Variants in SNX24 observed in about 807,000 individuals in gnomAD.
SNX24 encodes sorting nexin 24, also known as sorting nexin-24.
Under a neutral mutation model 28.7 loss-of-function variants are expected in SNX24, and 22 were observed. That is an observed-to-expected ratio of 0.77 (90% CI 0.55 to 1.10). SNX24 has a LOEUF of 1.10. Ranked by LOEUF, SNX24 falls within the 50% of genes least tolerant of loss-of-function variation. The pLI is 0.00. For missense variants in SNX24, 221 were observed against 201.1 expected (o/e 1.10, Z -0.60); for synonymous variants, 69 against 71.5 (o/e 0.96, Z 0.18).
At chr5:122,943,321 T>C (rs1419821701) in intron 2 of SNX24, among the ~76,000 whole-genome samples, 1 of 152,188 alleles carries the variant, frequency 6.6e-6, no homozygotes, top group Non-Finnish European at 1.5e-5. Context: ...GTTGTACTCC[T>C]TCCTTCTCTT....
At chr5:123,004,175 C>T (rs1762344546) in intron 6 of SNX24, among the ~76,000 whole-genome samples, 1 of 152,196 alleles carries the variant, frequency 6.6e-6, no homozygotes, top group Non-Finnish European at 1.5e-5. Context: ...GACATTTAAG[C>T]ATTATCCTCT....
chr5:122,959,214 G>T (rs1452111292), intron 3 of SNX24, among the ~76,000 whole-genome samples: 1 of 150,152 alleles, frequency 6.7e-6, no homozygotes, highest in Non-Finnish European at 1.5e-5. Flanking sequence ...GTTTAGTCTT[G>T]GTATATTTTG....
At chr5:122,906,456 T>C (rs1482474641) in intron 1 of SNX24, among the ~76,000 whole-genome samples, 3 of 152,238 alleles carry the variant, frequency 2.0e-5, no homozygotes, top group Non-Finnish European at 4.4e-5. Flanking sequence ...GAACTTGACA[T>C]GCATAATCTC....
intron 1 of SNX24, among the ~76,000 whole-genome samples, chr5:122,880,242 G>A (rs1339571167): frequency 1.3e-5 from 2 of 152,176 alleles, no homozygotes; most frequent in Non-Finnish European, 1.5e-5. Flanking sequence ...TTGAATCTGA[G>A]ATACTGGTGT....
intron 1 of SNX24, among the ~76,000 whole-genome samples, chr5:122,889,657 A>G (rs888479442): frequency 4.1e-5 from 6 of 146,828 alleles, no homozygotes; most frequent in Admixed American, 2.1e-4. Context: ...ATATGTATAT[A>G]TATGTGTATA....
Position 122,845,630 on chromosome 5 carries a change from G to C in SNX24, c.-4G>C. On this transcript the variant is annotated 5_prime_UTR_variant, in exon 1 of 7. Coordinates refer to ENST00000261369, the MANE Select transcript of SNX24 (RefSeq NM_014035.4). ...TCGCCCTCAGCCGGCTGGCCGGCGC[G>C]GCCATGGAGGTCTACATCCCGTCCT... is the stretch of plus-strand genomic sequence containing the variant. The C allele has an allele frequency of 7.1e-7, 1 of 1,402,468 alleles. No individual in the cohort carries two copies. Among genetic ancestry groups the C allele is most frequent in the Non-Finnish European group, 9.3e-7 (1 of 1,069,664 alleles). The allele number at this position is 1,402,468 out of a possible 1,614,324, so 86.9% of individuals were successfully genotyped here. A position where few individuals can be genotyped will look rare whatever the true frequency, so the allele number is the denominator to read the frequency against.
intron 1 of SNX24, among the ~76,000 whole-genome samples, chr5:122,909,129 T>G (rs1410135992): frequency 1.3e-5 from 2 of 152,192 alleles, no homozygotes; most frequent in Admixed American, 1.3e-4. Flanking sequence ...ATTGTTACAT[T>G]AACAAGGGAC....
At chr5:123,026,359 G>A (rs979603706) in intron 5 of SNX24, among the ~76,000 whole-genome samples, 3 of 152,120 alleles carry the variant, frequency 2.0e-5, no homozygotes, top group Non-Finnish European at 4.4e-5. Context: ...GTTTCCTGAG[G>A]CTCAAAGCTC....
chr5:123,021,706 C>T (rs930600275), intron 5 of SNX24, among the ~76,000 whole-genome samples: 21 of 152,118 alleles, frequency 1.4e-4, no homozygotes, highest in East Asian at 1.9e-4. Flanking sequence ...ATAACCCTTC[C>T]GTGTACCATG....
At chr5:122,909,676 T>C (rs1757797361) in intron 1 of SNX24, among the ~76,000 whole-genome samples, 1 of 152,292 alleles carries the variant, frequency 6.6e-6, no homozygotes, top group South Asian at 2.1e-4. Context: ...CTTGGCACTG[T>C]CTATGTTTCT....
chr5:122,896,470 C>G (rs960406706), intron 1 of SNX24, among the ~76,000 whole-genome samples: 1 of 152,192 alleles, frequency 6.6e-6, no homozygotes, highest in Admixed American at 6.5e-5. Context: ...TGCTGTCCTA[C>G]CATGTTGCCT....
At chr5:123,013,124 A>G (rs1762621060), downstream of SNX24, among the ~76,000 whole-genome samples, 2 of 152,256 alleles carry the variant, frequency 1.3e-5, no homozygotes, top group African/African-American at 2.4e-5. Flanking sequence ...AGGAAGGACA[A>G]GTTTGGGTAG....
At chr5:123,007,097 C>T (rs1187952260) in intron 6 of SNX24, among the ~76,000 whole-genome samples, 1 of 152,158 alleles carries the variant, frequency 6.6e-6, no homozygotes, top group Non-Finnish European at 1.5e-5. Context: ...CCTGGCCTCC[C>T]TTCCTGTCTC....
chr5:122,886,321 A>T (rs962660963), intron 1 of SNX24, among the ~76,000 whole-genome samples: 1 of 152,096 alleles, frequency 6.6e-6, no homozygotes, highest in Non-Finnish European at 1.5e-5. Context: ...TTACTGGTAC[A>T]TTTCTGTCAT....
intron 3 of SNX24, among the ~76,000 whole-genome samples, chr5:122,986,689 T>C (rs373859075): frequency 6.6e-6 from 1 of 152,012 alleles, no homozygotes; most frequent in Non-Finnish European, 1.5e-5. Flanking sequence ...TTGAACACTC[T>C]TGAAAACTTT....
Position 123,000,005 on chromosome 5 carries a change from G to A in SNX24, c.343G>A (p.Gly115Arg). 6.3e-7 allele frequency: 1 copy of A among 1,586,808 alleles called. No homozygotes were observed. Among genetic ancestry groups the A allele is most frequent in the Non-Finnish European group, 8.7e-7 (1 of 1,155,340 alleles). The change falls in exon 4 of 7, where the codon GGA becomes AGA. Residue 115 changes from glycine to arginine, a missense_variant and splice_region_variant. Gly to Arg is a moderately radical substitution (Grantham distance 125, BLOSUM62 -2). Coordinates refer to ENST00000261369, the MANE Select transcript of SNX24 (RefSeq NM_014035.4). ...CTCTCTACCAAAGGCAGAAAGTTGTGGGTAAGAATCATGTTTGCATATTGG... is the reference window on the plus strand; with the variant it reads ...CTCTCTACCAAAGGCAGAAAGTTGTAGGTAAGAATCATGTTTGCATATTGG... ...LPSLPKAESCGSFDETESEES... is the reference protein window; with the variant it reads ...LPSLPKAESCRSFDETESEES...
At chr5:122,948,059 G>T (rs997919675) in intron 3 of SNX24, among the ~76,000 whole-genome samples, 1 of 152,230 alleles carries the variant, frequency 6.6e-6, no homozygotes, top group Non-Finnish European at 1.5e-5. Flanking sequence ...CTTGCTTCCT[G>T]TTGTGCATTT....
At chr5:122,977,988 A>G (rs1031839279) in intron 3 of SNX24, among the ~76,000 whole-genome samples, 2 of 152,214 alleles carry the variant, frequency 1.3e-5, no homozygotes, top group Admixed American at 1.3e-4. Context: ...ATGATATACA[A>G]ACATTGATAA....
chr5:123,007,660 T>TTTTTTTTTTTC, intron 6 of SNX24, 22 bp from the exon 7 acceptor site: 7 of 1,090,344 alleles, frequency 6.4e-6, no homozygotes, highest in East Asian at 6.6e-5. Context: ...TTTTTTTTTC[T>TTTTTTTTTTTC]TTTTTTTTTT....
Sources: allele counts gnomAD v4.1 joint callset (sites outside exome capture counted in the v4.1 genomes callset), GRCh38; gene constraint gnomAD v4.1.1; transcripts MANE v1.5; gene names NCBI Gene and HGNC (gene_info 2026-07-23, HGNC 2026-07-21).